The following ZFP2 variants were observed in gnomAD, a reference collection of about 807,000 sequenced individuals.
ZFP2 encodes the protein ZFP2 zinc finger protein.
ZFP2 carries 33 observed loss-of-function variants against 36.1 expected under a neutral mutation model. The observed-to-expected ratio is 0.92, with a 90% CI of 0.69 to 1.22. The LOEUF is 1.22. ZFP2 is among the 50% of genes most tolerant of loss of function. The pLI is 0.00. For missense variants in ZFP2, 522 were observed against 551.4 expected, an observed-to-expected ratio of 0.95 and a Z score of 0.53; for synonymous variants, 170 against 178.0, an observed-to-expected ratio of 0.96 and a Z score of 0.36.
In ZFP2 at chr5:178,931,954, A is replaced by G. The variant is rs1758857251; in HGVS notation, c.641A>G (p.Tyr214Cys). Residue 214 changes from tyrosine (Y) to cysteine (C), a missense_variant, in exon 5 of 5, where the codon TAC (tyrosine) becomes TGC (cysteine). Coordinates refer to ENST00000361362, the MANE Select transcript of ZFP2 (RefSeq NM_030613.4). ...HERIHTGEKPYKCNECGKAFT... is the reference protein window; with the variant it reads ...HERIHTGEKPCKCNECGKAFT... ...AGGATTCATACTGGAGAGAAACCCT[A>G]CAAATGTAATGAATGTGGTAAAGCT... The G allele has an allele frequency of 6.2e-7, 1 of 1,614,066 alleles. No individual in the cohort carries two copies. Among genetic ancestry groups the G allele is most frequent in the Non-Finnish European group, 8.5e-7 (1 of 1,179,976 alleles).
intron 4 of ZFP2, among the ~76,000 whole-genome samples, chr5:178,917,486 G>A (rs1195679113): frequency 2.0e-5 from 3 of 152,040 alleles, no homozygotes; most frequent in Non-Finnish European, 2.9e-5. Flanking sequence ...ATGGTGGCAC[G>A]TACCTATAAT....
intron 1 of ZFP2, among the ~76,000 whole-genome samples, chr5:178,896,274 G>A (rs1265032304): frequency 6.6e-6 from 1 of 152,234 alleles, no homozygotes; most frequent in Non-Finnish European, 1.5e-5. Context: ...CGGGGATGGG[G>A]GCTCGAACAA....
At chr5:178,897,771 C>A (rs79666113) in intron 1 of ZFP2, among the ~76,000 whole-genome samples, 21,348 of 151,978 alleles carry the variant, frequency 0.14, 1,735 homozygotes, top group African/African-American at 0.23. Flanking sequence ...GAGAGTTTAT[C>A]TGTTTTATTT....
intron 1 of ZFP2, among the ~76,000 whole-genome samples, chr5:178,908,813 A>G (rs1382227602): frequency 1.3e-5 from 2 of 152,144 alleles, no homozygotes; most frequent in African/African-American, 4.8e-5. Flanking sequence ...GCCCTTTCAG[A>G]TACAAAGCAG....
At chr5:178,909,811 C>T (rs972394596) in intron 1 of ZFP2, 169 of 1,593,260 alleles carry the variant, frequency 1.1e-4, no homozygotes, top group African/African-American at 7.5e-4. Context: ...ACAAAGGTGT[C>T]GAAGAGATTT....
At position 178,931,511 on chromosome 5, in the gene ZFP2, C is replaced by T. The variant is rs1581845377; in HGVS notation, c.198C>T (p.Ser66=). 6.2e-7 allele frequency: 1 copy of T among 1,614,146 alleles called. No homozygotes were observed. Residue 66 remains serine (S), a synonymous_variant, in exon 5 of 5, where the codon AGC becomes AGT. Transcript: ENST00000361362. The stretch of plus-strand genomic sequence containing the variant: ...ATTCAATCCTTGATACACAGCAAAG[C>T]ATTCCTATGGTAAAAAGGCCCCATA... ...SQDSILDTQQ[S]IPMVKRPHNC... is the part of the protein sequence containing the mutation.
At position 178,927,043 on chromosome 5, in the gene ZFP2, T is replaced by G. The variant is rs1288292534; in HGVS notation, c.-77-4194T>G. 4.6e-5 allele frequency among the ~76,000 whole-genome samples: 7 copies of G among 151,886 alleles called. No homozygotes were observed. In the East Asian group the frequency reaches 1.4e-3, roughly 29 times the overall value. On this transcript the variant is annotated intron_variant, in intron 4 of 4. Coordinates refer to ENST00000361362, the MANE Select transcript of ZFP2 (RefSeq NM_030613.4). ...TTGTTCAGTGTTGATCTCTCTCTGT[T>G]GACTTCGATCAGCAATCGGAAAGCT... is the stretch of plus-strand genomic sequence containing the variant.
At chr5:178,898,640 G>A (rs1757987454) in intron 1 of ZFP2, among the ~76,000 whole-genome samples, 2 of 152,212 alleles carry the variant, frequency 1.3e-5, no homozygotes, top group African/African-American at 4.8e-5. Context: ...GAAGGAGAAG[G>A]CAATGGCTGC....
intron 1 of ZFP2, among the ~76,000 whole-genome samples, chr5:178,904,696 CTTT>C (rs1195032566): frequency 1.1e-5 from 1 of 88,622 alleles, no homozygotes; most frequent in Non-Finnish European, 2.2e-5. Context: ...ATTCATTTTG[CTTT>C]TTTTTTTTTT....
Position 178,932,374 on chromosome 5 carries a change from A to T in ZFP2, c.1061A>T (p.Tyr354Phe). 1 of 1,614,146 alleles carries T rather than the reference A, an allele frequency of 6.2e-7. No homozygotes were observed. The highest frequency in any genetic ancestry group is 8.5e-7 in the Non-Finnish European group (1 of 1,180,018). The change falls in exon 5 of 5, where the codon TAT (tyrosine) becomes TTT (phenylalanine). Residue 354 changes from tyrosine (Y) to phenylalanine (F), a missense_variant. By Grantham distance (22) the Tyr-to-Phe change is conservative (BLOSUM62 3). Coordinates refer to ENST00000361362, the MANE Select transcript of ZFP2 (RefSeq NM_030613.4). ...AGAATTCACACTGGAGAGAAACCTT[A>T]TGAGTGTATGGTGTGTGGAAAACAT... ...HRRIHTGEKP[Y>F]ECMVCGKHFT...
chr5:178,905,621 T>G (rs1758151376), intron 1 of ZFP2, among the ~76,000 whole-genome samples: 1 of 151,858 alleles, frequency 6.6e-6, no homozygotes, highest in South Asian at 2.1e-4. Flanking sequence ...CTATGAGGTA[T>G]CCTGTACTGA....
chr5:178,932,683 A>G lies in ZFP2; in HGVS notation c.1370A>G (p.Gln457Arg). Residue 457 changes from glutamine to arginine, a missense_variant, in exon 5 of 5, where the codon CAA becomes CGA. Gln to Arg is a conservative substitution (Grantham distance 43). Coordinates refer to ENST00000361362, the MANE Select transcript of ZFP2 (RefSeq NM_030613.4). ...CGGAGTACAAACCTTACACGACATC[A>G]AAGAACTCATACGTGAGGAATGTTT... ...FSRSTNLTRH[Q>R]RTHT 1.2e-6 allele frequency: 2 copies of G among 1,600,856 alleles called. No homozygotes were observed. Among genetic ancestry groups the G allele is most frequent in the Non-Finnish European group, 1.7e-6 (2 of 1,173,816 alleles).
chr5:178,917,483 C>T (rs1758460051), intron 4 of ZFP2, among the ~76,000 whole-genome samples: 1 of 152,090 alleles, frequency 6.6e-6, no homozygotes, highest in Non-Finnish European at 1.5e-5. Context: ...GGTATGGTGG[C>T]ACGTACCTAT....
In ZFP2 at chr5:178,931,577, G is replaced by A. The variant is rs1311187631; in HGVS notation, c.264G>A (p.Glu88=). 6.2e-7 allele frequency: 1 copy of A among 1,614,150 alleles called. No individual in the cohort carries two copies. The highest frequency in any genetic ancestry group is 1.3e-5 in the African/African-American group (1 of 75,042). ...GAGAAGATGCCACACAAAATTCTGA[G>A]TTAATTAAAACTCAAAGAATGTTTG... ...SHGEDATQNS[E]LIKTQRMFVG... Residue 88 remains glutamate (E), a synonymous_variant, in exon 5 of 5, where the codon GAG becomes GAA. Transcript: ENST00000361362.
At chr5:178,897,936 A>T (rs6890083) in intron 1 of ZFP2, among the ~76,000 whole-genome samples, 21,359 of 150,786 alleles carry the variant, frequency 0.14, 1,753 homozygotes, top group African/African-American at 0.23. Context: ...ATTCTTTTTT[A>T]AAAAAGTCTT....
In ZFP2 at chr5:178,932,299, A is replaced by G. The variant is rs1380176709; in HGVS notation, c.986A>G (p.Asn329Ser). ...TCTGGAGTAAAACCTTTTGAATGTA[A>G]CGAGTGTGGAAAAGCTTTCAGTAAG... is the stretch of plus-strand genomic sequence containing the variant. The part of the protein sequence containing the change: ...LHSGVKPFEC[N>S]ECGKAFSKNS... Residue 329 changes from asparagine to serine, a missense_variant, in exon 5 of 5, where the codon AAC becomes AGC. By Grantham distance (46) the Asn-to-Ser change is conservative (BLOSUM62 1). Coordinates refer to ENST00000361362, the MANE Select transcript of ZFP2 (RefSeq NM_030613.4). The G allele has an allele frequency of 6.2e-7, 1 of 1,614,202 alleles. No homozygotes were observed. Among genetic ancestry groups the G allele is most frequent in the South Asian group, 1.1e-5 (1 of 91,088 alleles).
At chr5:178,912,005 C>A (rs1044295545) in intron 1 of ZFP2, among the ~76,000 whole-genome samples, 1 of 152,040 alleles carries the variant, frequency 6.6e-6, no homozygotes, top group African/African-American at 2.4e-5. Flanking sequence ...GCGTGGTGGG[C>A]ACCTGTAATC....
intron 1 of ZFP2, among the ~76,000 whole-genome samples, chr5:178,901,945 C>A (rs1013032019): frequency 6.6e-6 from 1 of 152,016 alleles, no homozygotes; most frequent in Non-Finnish European, 1.5e-5. Flanking sequence ...ACCAGCCTGG[C>A]CAACATGGTG....
At chr5:178,928,705 A>G (rs1226524306) in intron 4 of ZFP2, among the ~76,000 whole-genome samples, 2 of 152,178 alleles carry the variant, frequency 1.3e-5, no homozygotes, top group African/African-American at 2.4e-5. Flanking sequence ...TTCCACATGC[A>G]GGGTGCAAAC....
Sources: gnomAD v4.1 joint callset for allele counts (sites outside exome capture counted in the v4.1 genomes callset) on GRCh38, gnomAD v4.1.1 for gene constraint, MANE v1.5 for transcripts, NCBI Gene and HGNC (gene_info 2026-07-23, HGNC 2026-07-21) for gene names.